Variants in KIF13B observed in about 807,000 individuals in gnomAD.
KIF13B encodes kinesin-like protein KIF13B.
Under a neutral mutation model 222.0 loss-of-function variants are expected in KIF13B, and 127 were observed. That is an observed-to-expected ratio of 0.57 (90% CI 0.50 to 0.66). The LOEUF (loss-of-function observed/expected upper bound fraction) is 0.66. Ranked by LOEUF, KIF13B falls within the 30% of genes least tolerant of loss-of-function variation. The pLI is 0.00. For synonymous variants in KIF13B, 976 were observed against 919.0 expected (o/e 1.06, Z -1.12); for missense variants, 2,173 against 2,379.0 (o/e 0.91, Z 1.80).
intron 1 of KIF13B, among the ~76,000 whole-genome samples, chr8:29,258,302 A>G (rs1371605202): frequency 1.3e-5 from 2 of 152,136 alleles, no homozygotes; most frequent in South Asian, 2.1e-4. Flanking sequence ...TATGCTTCCC[A>G]TTCACAAGGC....
chr8:29,116,684 G>A, intron 31 of KIF13B, 147 bp downstream of exon 31: 1 of 585,340 alleles, frequency 1.7e-6, no homozygotes, highest in African/African-American at 1.9e-5. Context: ...AAGCAAGCAT[G>A]GGTACAGGAC....
upstream of KIF13B, chr8:29,263,175 G>A (rs1465781871): frequency 2.8e-6 from 2 of 707,738 alleles, no homozygotes; most frequent in East Asian, 3.3e-5. Flanking sequence ...CGAGCTCCGG[G>A]CGCTCCCCGC....
At chr8:29,225,525 G>A (rs190186204) in intron 2 of KIF13B, among the ~76,000 whole-genome samples, 13 of 152,202 alleles carry the variant, frequency 8.5e-5, no homozygotes, top group Non-Finnish European at 1.8e-4. Context: ...TGCCCTGCCT[G>A]CCAAGCATCA....
intron 1 of KIF13B, among the ~76,000 whole-genome samples, chr8:29,247,460 A>C (rs1816078707): frequency 1.3e-5 from 2 of 152,330 alleles, no homozygotes; most frequent in South Asian, 4.1e-4. Flanking sequence ...AGGGAATGAA[A>C]AAGTATTTGC....
chr8:29,118,800 C>T, intron 30 of KIF13B, 68 bp downstream of exon 30: 1 of 1,551,502 alleles, frequency 6.4e-7, no homozygotes, highest in Non-Finnish European at 8.8e-7. Context: ...CTTATTGTTT[C>T]AAAAAGCTCG....
At chr8:29,159,073 C>T (rs1460765971) in intron 13 of KIF13B, among the ~76,000 whole-genome samples, 6 of 152,188 alleles carry the variant, frequency 3.9e-5, no homozygotes, top group Non-Finnish European at 7.4e-5. Context: ...TTCCCGGTCA[C>T]ATTCATATGA....
At chr8:29,130,491 T>C in intron 24 of KIF13B, 42 bp downstream of exon 24, 1 of 1,607,500 alleles carries the variant, frequency 6.2e-7, no homozygotes, top group Non-Finnish European at 8.5e-7. Context: ...TTAAGCTTTC[T>C]GGCACCAAAG....
chr8:29,195,744 C>T lies in KIF13B; in HGVS notation c.162+443G>A, dbSNP rs557535757. Among the ~76,000 whole-genome samples, 75 of 152,264 alleles carry T rather than the reference C, an allele frequency of 4.9e-4. No individual in the cohort carries two copies. In the South Asian group the frequency reaches 6.2e-3, roughly 13 times the overall value. ...GCCAGGAATGCACCCCCAGCTGTCT[C>T]GGGAGTGGGGAGGATGAGTCGGTTT... is the stretch of plus-strand genomic sequence containing the variant. On this transcript the variant is annotated intron_variant, in intron 3 of 39. Transcript: ENST00000524189.
chr8:29,229,088 TAA>T (rs370080449), intron 2 of KIF13B, among the ~76,000 whole-genome samples: 18 of 94,694 alleles, frequency 1.9e-4, no homozygotes, highest in South Asian at 9.0e-4. Context: ...ATGTCAGCTT[TAA>T]AAAAAAAAAA....
At chr8:29,116,810 T>C (rs376853382) in intron 31 of KIF13B, 21 bp downstream of exon 31, 1 of 1,585,668 alleles carries the variant, frequency 6.3e-7, no homozygotes, top group Non-Finnish European at 8.6e-7. Context: ...GTTAGAGTCG[T>C]TTCTTCCACT....
rs533708331 is a variant in KIF13B, at chr8:29,209,261, C to T, written c.150-13062G>A. Among the ~76,000 whole-genome samples the T allele has an allele frequency of 5.3e-5, 8 of 152,264 alleles. No homozygotes were observed. In the East Asian group the frequency reaches 1.5e-3, roughly 29 times the overall value. On this transcript the variant is annotated intron_variant, in intron 2 of 39. Coordinates refer to ENST00000524189, the MANE Select transcript of KIF13B (RefSeq NM_015254.4). ...AGAGAAGGCGCCATGGGCAGTCGTA[C>T]CCAGGCTACAGAAAGAACAGGCTCA...
chr8:29,071,070 T>C lies in KIF13B; in HGVS notation c.5219-304A>G, dbSNP rs1807248222. ...CCCTGGGGAGTGCCTTGTGGAAGCATAGGTGCAGGCCAGCCACTAAGGCAC... is the reference window on the plus strand; with the variant it reads ...CCCTGGGGAGTGCCTTGTGGAAGCACAGGTGCAGGCCAGCCACTAAGGCAC... On this transcript the variant is annotated intron_variant, in intron 39 of 39. Transcript: ENST00000524189. This position sits in a 1 kb window ranked among gnomAD's most constrained non-coding sequence, Gnocchi z 4.9. Among the ~76,000 whole-genome samples, 1 of 152,054 alleles carries C rather than the reference T, an allele frequency of 6.6e-6. No homozygotes were observed. The highest frequency in any genetic ancestry group is 1.5e-5 in the Non-Finnish European group (1 of 67,984).
intron 2 of KIF13B, among the ~76,000 whole-genome samples, chr8:29,221,370 T>C (rs1228443211): frequency 6.6e-6 from 1 of 150,944 alleles, no homozygotes; most frequent in Non-Finnish European, 1.5e-5. Context: ...CCCAAAATGC[T>C]GGGATTACAG....
At chr8:29,162,291 T>G (rs1420738347) in intron 12 of KIF13B, among the ~76,000 whole-genome samples, 1 of 152,228 alleles carries the variant, frequency 6.6e-6, no homozygotes, top group African/African-American at 2.4e-5. Context: ...ATTTTGCTAT[T>G]TCTAGGCATG....
At chr8:29,107,839 C>T (rs1298204758) in intron 35 of KIF13B, among the ~76,000 whole-genome samples, 3 of 150,924 alleles carry the variant, frequency 2.0e-5, no homozygotes, top group Admixed American at 1.3e-4. Context: ...GGATTACATA[C>T]GTGAGCCACT....
At chr8:29,099,475 A>G (rs569596119) in intron 35 of KIF13B, among the ~76,000 whole-genome samples, 42 of 152,248 alleles carry the variant, frequency 2.8e-4, no homozygotes, top group Admixed American at 2.7e-3. Flanking sequence ...CTTAGACTCA[A>G]GCAATTCTCC....
intron 17 of KIF13B, among the ~76,000 whole-genome samples, chr8:29,147,059 T>C (rs908429613): frequency 2.3e-4 from 35 of 152,190 alleles, no homozygotes; most frequent in Non-Finnish European, 2.1e-4. Context: ...TCAGTCCAGA[T>C]AACCAACTTT....
At chr8:29,203,537 A>G (rs1299527622) in intron 2 of KIF13B, among the ~76,000 whole-genome samples, 1 of 152,234 alleles carries the variant, frequency 6.6e-6, no homozygotes, top group Admixed American at 6.5e-5. Context: ...AACAATAAAG[A>G]AAACAATGTT....
Position 29,070,814 on chromosome 8 carries a change from G to A in KIF13B, c.5219-48C>T, listed in dbSNP as rs558957288. The stretch of plus-strand genomic sequence containing the variant: ...TATGGAGGGCAGCCGAGCTGCAGAC[G>A]GCCCCCTGCACCTCCCTTACCTCTG... On this transcript the variant is annotated intron_variant, in intron 39 of 39. Coordinates refer to ENST00000524189, the MANE Select transcript of KIF13B (RefSeq NM_015254.4). This position sits in a 1 kb window ranked among gnomAD's most constrained non-coding sequence, Gnocchi z 4.1. The A allele has an allele frequency of 3.3e-5, 52 of 1,560,920 alleles. No homozygotes were observed. Among genetic ancestry groups the A allele is most frequent in the Admixed American group, 5.7e-5 (3 of 52,554 alleles).
Sources: gnomAD v4.1 joint callset for allele counts (sites outside exome capture counted in the v4.1 genomes callset) on GRCh38, gnomAD v4.1.1 for gene constraint, Gnocchi (gnomAD v3.1) non-coding constraint, MANE v1.5 for transcripts, NCBI Gene and HGNC (gene_info 2026-07-23, HGNC 2026-07-21) for gene names.